ANO2: variants seen among roughly 807,000 people sequenced by gnomAD.
ANO2 encodes the protein anoctamin 2, also known as anoctamin-2.
Under a neutral mutation model 124.2 loss-of-function variants are expected in ANO2, and 101 were observed. The observed-to-expected ratio is 0.81, with a 90% CI of 0.69 to 0.96. The LOEUF (loss-of-function observed/expected upper bound fraction) is 0.96, where lower values mean the gene tolerates loss of function less well. ANO2 is among the 40% of genes least tolerant of loss of function. The pLI, the probability that ANO2 is intolerant of heterozygous loss-of-function variation, is 0.00. For synonymous variants in ANO2, 486 were observed against 482.5 expected, an observed-to-expected ratio of 1.01 and a Z score of -0.09; for missense variants, 1,293 against 1,274.5, an observed-to-expected ratio of 1.01 and a Z score of -0.22.
intron 10 of ANO2, among the ~76,000 whole-genome samples, chr12:5,760,965 C>T (rs1042227657): frequency 9.9e-5 from 15 of 151,494 alleles, no homozygotes; most frequent in African/African-American, 3.6e-4. Flanking sequence ...GCCTGGCAGG[C>T]TCTGCTCTAC....
At chr12:5,899,120 C>T in intron 3 of ANO2, among the ~76,000 whole-genome samples, 1 of 152,240 alleles carries the variant, frequency 6.6e-6, no homozygotes, top group Non-Finnish European at 1.5e-5. Flanking sequence ...ACACCTTGGC[C>T]ATGCATAGTA....
At chr12:5,836,539 C>T (rs1591674763) in intron 4 of ANO2, among the ~76,000 whole-genome samples, 1 of 152,158 alleles carries the variant, frequency 6.6e-6, no homozygotes, top group Admixed American at 6.5e-5. Context: ...ATCTTCTTGC[C>T]TCCTCATTAA....
intron 14 of ANO2, among the ~76,000 whole-genome samples, chr12:5,731,181 G>A (rs1950617626): frequency 6.6e-6 from 1 of 152,226 alleles, no homozygotes; most frequent in South Asian, 2.1e-4. Flanking sequence ...GCACGGCGTT[G>A]CCGAAGCTGA....
chr12:5,945,346 C>T, upstream of ANO2: 4 of 940,038 alleles, frequency 4.3e-6, no homozygotes, highest in Non-Finnish European at 5.2e-6. Context: ...GCCGCCTCCT[C>T]CTCCCCCATC....
chr12:5,734,341 G>T (rs1950767244), intron 13 of ANO2, among the ~76,000 whole-genome samples: 1 of 152,196 alleles, frequency 6.6e-6, no homozygotes, highest in African/African-American at 2.4e-5. Context: ...CTGAAATTTG[G>T]TTGCTTTTCT....
intron 14 of ANO2, among the ~76,000 whole-genome samples, chr12:5,693,634 C>G (rs1388583212): frequency 6.6e-6 from 1 of 152,202 alleles, no homozygotes; most frequent in Non-Finnish European, 1.5e-5. Flanking sequence ...CCAAAGTCCT[C>G]AAAATATCCA....
intron 13 of ANO2, chr12:5,732,862 A>C: frequency 6.2e-7 from 1 of 1,614,046 alleles, no homozygotes; most frequent in South Asian, 1.1e-5. Context: ...ACTGAAAACC[A>C]AACCTGGGCA....
intron 10 of ANO2, among the ~76,000 whole-genome samples, chr12:5,756,571 G>A (rs1951586106): frequency 6.6e-6 from 1 of 152,364 alleles, no homozygotes; most frequent in South Asian, 2.1e-4. Context: ...TAAGCAGGCA[G>A]TGCCTGCGGG....
intron 7 of ANO2, among the ~76,000 whole-genome samples, chr12:5,821,218 C>CTTCT (rs1354498385): frequency 1.3e-5 from 2 of 152,202 alleles, no homozygotes; most frequent in East Asian, 3.8e-4. Context: ...ATTCAGGGAA[C>CTTCT]TTCTACCTCA....
At chr12:5,826,152 G>A (rs1468763140) in intron 7 of ANO2, among the ~76,000 whole-genome samples, 1 of 152,170 alleles carries the variant, frequency 6.6e-6, no homozygotes, top group Non-Finnish European at 1.5e-5. Flanking sequence ...TTAACTTTAT[G>A]TAATAGTATT....
intron 14 of ANO2, among the ~76,000 whole-genome samples, chr12:5,699,230 T>G (rs1294446708): frequency 6.6e-6 from 1 of 152,144 alleles, no homozygotes; most frequent in South Asian, 2.1e-4. Flanking sequence ...CCCATCAGAC[T>G]AACAGCAGAT....
intron 14 of ANO2, among the ~76,000 whole-genome samples, chr12:5,687,033 C>A (rs977502989): frequency 6.6e-6 from 1 of 152,088 alleles, no homozygotes; most frequent in East Asian, 1.9e-4. Context: ...ACAGACACCC[C>A]CTGGATGAAA....
At position 5,854,119 on chromosome 12, in the gene ANO2, A is replaced by G. The variant is rs1264069935; in HGVS notation, c.557T>C (p.Phe186Ser). 1.9e-6 allele frequency: 3 copies of G among 1,612,662 alleles called. No homozygotes were observed. The highest frequency in any genetic ancestry group is 2.5e-6 in the Non-Finnish European group (3 of 1,179,074). The change falls in exon 4 of 25, where the codon TTT becomes TCT. Residue 186 changes from phenylalanine to serine, a missense_variant. Transcript: ENST00000682330. Reference sequence around the variant, plus strand: ...CTGCCACGGGGCGTGTATCCGGACAAAGATGGATCCCTGGCTTTTATTCTG... The same window carrying G: ...CTGCCACGGGGCGTGTATCCGGACAGAGATGGATCCCTGGCTTTTATTCTG... ...DLENKSQGSI[F>S]VRIHAPWQVL... is the part of the protein sequence containing the mutation.
chr12:5,836,231 A>G lies in ANO2; in HGVS notation c.634-3628T>C, dbSNP rs12320460. On this transcript the variant is annotated intron_variant, in intron 4 of 24. Coordinates refer to ENST00000682330, the MANE Select transcript of ANO2 (RefSeq NM_001364791.2). Reference sequence around the variant, plus strand: ...GCCAGATCGAACAAATAAAAATACAAGATGTCAAATTAAATGTGAATTTCA... The same window carrying G: ...GCCAGATCGAACAAATAAAAATACAGGATGTCAAATTAAATGTGAATTTCA... Among the ~76,000 whole-genome samples, 1,280 of 152,372 alleles carry G rather than the reference A, an allele frequency of 8.4e-3. 21 individuals are homozygous for G. Among genetic ancestry groups the G allele is most frequent in the African/African-American group, 0.028 (1,153 of 41,584 alleles).
At chr12:5,662,163 C>T (rs867766558) in intron 14 of ANO2, among the ~76,000 whole-genome samples, 34 of 152,232 alleles carry the variant, frequency 2.2e-4, no homozygotes, top group African/African-American at 7.7e-4. Flanking sequence ...GTGGGCGTGC[C>T]GCCAGGCCTG....
intron 10 of ANO2, among the ~76,000 whole-genome samples, chr12:5,788,340 A>G (rs1952596657): frequency 1.3e-5 from 2 of 152,222 alleles, no homozygotes; most frequent in South Asian, 4.1e-4. Flanking sequence ...CATCAATGTA[A>G]TAACAGTTAA....
In ANO2 at chr12:5,769,851, A is replaced by G. The variant is rs763470081; in HGVS notation, c.1056-18881T>C. Among the ~76,000 whole-genome samples, 10 of 152,150 alleles carry G rather than the reference A, an allele frequency of 6.6e-5. No individual in the cohort carries two copies. The highest frequency in any genetic ancestry group is 1.2e-4 in the Non-Finnish European group (8 of 68,026). ...CTTGTGAAGGGTCCTTTCCCTGGGT[A>G]TTATACACAGCCCCACCTAAGGGCA... On this transcript the variant is annotated intron_variant, in intron 10 of 24. Coordinates refer to ENST00000682330, the MANE Select transcript of ANO2 (RefSeq NM_001364791.2). The surrounding 1 kb of genome is among the most constrained non-coding windows in gnomAD (Gnocchi z 4.0).
intron 3 of ANO2, among the ~76,000 whole-genome samples, chr12:5,892,150 T>C (rs964575286): frequency 3.4e-5 from 5 of 149,228 alleles, no homozygotes; most frequent in Non-Finnish European, 7.5e-5. Context: ...AAAAACTCAC[T>C]GAATGAACTC....
intron 4 of ANO2, among the ~76,000 whole-genome samples, chr12:5,846,920 T>A (rs184770817): frequency 1.7e-4 from 26 of 152,344 alleles, no homozygotes; most frequent in Non-Finnish European, 3.4e-4. Context: ...GACATATCTT[T>A]TTGAATGCCA....
Sources: allele counts gnomAD v4.1 joint callset (sites outside exome capture counted in the v4.1 genomes callset), GRCh38; gene constraint gnomAD v4.1.1; non-coding constraint Gnocchi (gnomAD v3.1); transcripts MANE v1.5; gene names NCBI Gene and HGNC (gene_info 2026-07-23, HGNC 2026-07-21).